STK24: variants seen among roughly 807,000 people sequenced by gnomAD.
The protein encoded by STK24 is serine/threonine kinase 24.
A neutral mutation model predicts 55.6 loss-of-function variants in STK24; 21 were observed. That is an observed-to-expected ratio of 0.38 (90% confidence interval 0.27 to 0.54). The LOEUF is 0.54. Among genes scored for constraint, STK24 ranks in the 20% least tolerant of loss-of-function variants. The pLI is 0.79. For synonymous variants in STK24, 200 were observed against 215.2 expected, an observed-to-expected ratio of 0.93 and a Z score of 0.62; for missense variants, 383 against 538.4, an observed-to-expected ratio of 0.71 and a Z score of 2.86.
intron 7 of STK24, among the ~76,000 whole-genome samples, chr13:98,462,593 G>A (rs1341454308): frequency 6.6e-5 from 10 of 151,964 alleles, no homozygotes; most frequent in Non-Finnish European, 5.9e-5. Context: ...TCACACCTAG[G>A]GGCCAGCCTC....
rs576555919 is a variant in STK24 at position 98,520,618 on chromosome 13, C to T, written c.43-1145G>A. On this transcript the variant is annotated intron_variant, in intron 1 of 10. Transcript: ENST00000539966. ...AGAGTGGTGCATGTGAGGTGGGTCA[C>T]ACACACAACACTGCAGCAACGGCGG... Among the ~76,000 whole-genome samples the T allele has an allele frequency of 3.3e-5, 5 of 152,330 alleles. No individual in the cohort carries two copies. In the South Asian group the frequency reaches 8.3e-4, roughly 25 times the overall value.
Position 98,568,249 on chromosome 13 carries a change from G to A in STK24, c.42+8496C>T, listed in dbSNP as rs149651846. ...TGACCTCAAATGATCCACCCGCTTCGGCCTCCCAAAGTGCTGAGATTACAG... is the reference window on the plus strand; with the variant it reads ...TGACCTCAAATGATCCACCCGCTTCAGCCTCCCAAAGTGCTGAGATTACAG... On this transcript the variant is annotated intron_variant, in intron 1 of 10. Transcript: ENST00000539966. 6.2e-3 allele frequency among the ~76,000 whole-genome samples: 942 copies of A among 152,100 alleles called. 10 individuals are homozygous for A. Among genetic ancestry groups the A allele is most frequent in the African/African-American group, 0.021 (874 of 41,464 alleles).
chr13:98,466,586 A>C (rs1893934417), intron 5 of STK24, 25 bp from the exon 6 acceptor site: 1 of 1,609,966 alleles, frequency 6.2e-7, no homozygotes, highest in Admixed American at 1.7e-5. Flanking sequence ...GCATCTTTAC[A>C]AACACCAAGC....
intron 1 of STK24, among the ~76,000 whole-genome samples, chr13:98,535,368 A>ATATATAT (rs1435858776): frequency 2.0e-5 from 1 of 48,936 alleles, no homozygotes; most frequent in South Asian, 6.8e-4. Flanking sequence ...AAACAAAAAA[A>ATATATAT]AAATATATAT....
intron 1 of STK24, chr13:98,522,164 C>T: frequency 1.1e-6 from 1 of 928,902 alleles, no homozygotes; most frequent in Non-Finnish European, 1.3e-6. Flanking sequence ...CTCTGGGTAA[C>T]TTTCCAGTCC....
chr13:98,446,416 AG>A lies in STK24; in HGVS notation c.*6756del. The A allele has an allele frequency of 1.7e-6, 1 of 601,902 alleles. No individual in the cohort carries two copies. Among genetic ancestry groups the A allele is most frequent in the Non-Finnish European group, 2.9e-6 (1 of 339,200 alleles). The allele number at this position is 601,902 out of a possible 1,614,324, so 37.3% of individuals were successfully genotyped here. The stretch of plus-strand genomic sequence containing the variant: ...TCCACTGAAGGACAACTTCTGCCCT[AG>A]GAAGGGCCACCTGTCTTCTGCCTGG... On this transcript the variant is annotated 3_prime_UTR_variant, in exon 11 of 11. Transcript: ENST00000539966.
In STK24 at chr13:98,447,860, A is replaced by T; in HGVS notation, c.*5313T>A. The T allele has an allele frequency of 4.7e-6, 1 of 213,106 alleles. No homozygotes were observed. 13.2% of individuals were successfully genotyped at this position (213,106 alleles called of 1,614,324 possible). A position where few individuals can be genotyped will look rare whatever the true frequency, so the allele number is the denominator to read the frequency against. ...ACCCTGTCTCAAAAAAAAAAGAAAA[A>T]GAAAAAAGGAAGGGAGAGCTTCCAC... On this transcript the variant is annotated 3_prime_UTR_variant, in exon 11 of 11. Coordinates refer to ENST00000539966, the MANE Select transcript of STK24 (RefSeq NM_001032296.4).
At chr13:98,531,716 C>T (rs1322493008) in intron 1 of STK24, among the ~76,000 whole-genome samples, 2 of 151,892 alleles carry the variant, frequency 1.3e-5, no homozygotes, top group African/African-American at 4.8e-5. Flanking sequence ...TCCCTGTTCT[C>T]CCCCTCACTC....
chr13:98,458,314 TTGTGATGGACACCGCCTCCTCTTCAGGGA>T (rs1213674681), intron 9 of STK24, among the ~76,000 whole-genome samples: 1 of 152,202 alleles, frequency 6.6e-6, no homozygotes. Context: ...AAGAGGCTCT[TTGTGATGGACACCGCCTCCTCTTCAGGGA>T]AGAAAGAAAC....
At chr13:98,472,497 G>A (rs1009380835) in intron 5 of STK24, among the ~76,000 whole-genome samples, 4 of 152,120 alleles carry the variant, frequency 2.6e-5, no homozygotes, top group African/African-American at 9.7e-5. Flanking sequence ...TTTTTTCCAC[G>A]GCACTTTGCA....
At chr13:98,523,416 A>G (rs551158456) in intron 1 of STK24, among the ~76,000 whole-genome samples, 8 of 152,288 alleles carry the variant, frequency 5.3e-5, no homozygotes, top group Middle Eastern at 6.8e-3. Context: ...CCACACCCCT[A>G]TGAATGTGAC....
At chr13:98,475,045 C>CTA in intron 4 of STK24, 67 bp from the exon 5 acceptor site, 1 of 1,525,580 alleles carries the variant, frequency 6.6e-7, no homozygotes, top group Non-Finnish European at 8.8e-7. Flanking sequence ...GCCACAAGCG[C>CTA]GTCTTCTCCC....
rs183374347 is a variant in STK24 at position 98,513,747 on chromosome 13, A to G, written c.273+5496T>C. On this transcript the variant is annotated intron_variant, in intron 2 of 10. Transcript: ENST00000539966. ...ATAGTATCTCATTTTCACCATCTCA[A>G]TGAAAGCGCGGCTGGGACTCTGCCT... 2.6e-4 allele frequency among the ~76,000 whole-genome samples: 39 copies of G among 152,312 alleles called. No individual in the cohort carries two copies. The East Asian group carries it at 6.9e-3, about 27-fold the overall frequency.
chr13:98,477,671 T>C (rs1383389091), intron 3 of STK24, among the ~76,000 whole-genome samples: 2 of 145,190 alleles, frequency 1.4e-5, no homozygotes, highest in South Asian at 2.2e-4. Flanking sequence ...CAAGATTCCG[T>C]CTCAAAAAAA....
chr13:98,494,412 C>CA (rs1162677599), intron 2 of STK24, among the ~76,000 whole-genome samples: 669 of 66,718 alleles, frequency 0.01, 67 homozygotes, highest in Non-Finnish European at 0.014. Context: ...AGACTCGTCT[C>CA]AAAAAAAAAA....
intron 1 of STK24, 95 bp downstream of exon 1, chr13:98,576,650 G>A: frequency 3.5e-6 from 4 of 1,141,862 alleles, no homozygotes; most frequent in Non-Finnish European, 3.6e-6. Flanking sequence ...CGCGACCCCG[G>A]CCGGCTGAGC....
At chr13:98,481,818 A>C (rs1473433837) in intron 3 of STK24, among the ~76,000 whole-genome samples, 1 of 152,142 alleles carries the variant, frequency 6.6e-6, no homozygotes, top group East Asian at 1.9e-4. Flanking sequence ...GGAGGCTGAG[A>C]GCGGGGATCA....
At chr13:98,518,683 A>T (rs1226174313) in intron 2 of STK24, among the ~76,000 whole-genome samples, 1 of 152,202 alleles carries the variant, frequency 6.6e-6, no homozygotes, top group Admixed American at 6.5e-5. Context: ...TTTCCCACTT[A>T]AAGAACAGAG....
In STK24 at chr13:98,531,990, C is replaced by T. The variant is rs79025641; in HGVS notation, c.43-12517G>A. Reference sequence around the variant, plus strand: ...CTCAACCTGGGCTGCATGTGGGTAGCTCCCTAAACAGCTCGATGTCCCAGC... The same window carrying T: ...CTCAACCTGGGCTGCATGTGGGTAGTTCCCTAAACAGCTCGATGTCCCAGC... On this transcript the variant is annotated intron_variant, in intron 1 of 10. Transcript: ENST00000539966. Among the ~76,000 whole-genome samples the T allele has an allele frequency of 1.2e-3, 183 of 152,328 alleles. 4 individuals carry two copies. The East Asian group carries it at 0.033, about 27-fold the overall frequency.
Sources: allele counts gnomAD v4.1 joint callset (sites outside exome capture counted in the v4.1 genomes callset), GRCh38; gene constraint gnomAD v4.1.1; transcripts MANE v1.5; gene names NCBI Gene and HGNC (gene_info 2026-07-23, HGNC 2026-07-21).